Variants in TRPC7 observed in about 807,000 individuals in gnomAD.
TRPC7 encodes transient receptor potential cation channel subfamily C member 7.
Under a neutral mutation model 90.1 loss-of-function variants are expected in TRPC7, and 42 were observed. The ratio of observed to expected loss-of-function variants is 0.47; its 90% CI spans 0.36 to 0.60. The LOEUF is 0.60. TRPC7 is among the 20% of genes least tolerant of loss of function. The pLI, the probability that TRPC7 is intolerant of heterozygous loss-of-function variation, is 0.00. For synonymous variants in TRPC7, 451 were observed against 436.3 expected (o/e 1.03, Z -0.42); for missense variants, 955 against 1,112.3 (o/e 0.86, Z 2.01).
intron 3 of TRPC7, among the ~76,000 whole-genome samples, chr5:136,299,465 G>A (rs914375572): frequency 6.6e-6 from 1 of 151,880 alleles, no homozygotes; most frequent in Non-Finnish European, 1.5e-5. Context: ...AGATATGACT[G>A]TGGCTTGGAT....
chr5:136,338,797 A>C (rs999128651), intron 2 of TRPC7, among the ~76,000 whole-genome samples: 1 of 152,282 alleles, frequency 6.6e-6, no homozygotes, highest in East Asian at 1.9e-4. Flanking sequence ...CAGGGCTACA[A>C]TGGCATTTTC....
intron 1 of TRPC7, among the ~76,000 whole-genome samples, chr5:136,359,733 C>T (rs56290970): frequency 0.021 from 3,187 of 151,958 alleles, 51 homozygotes; most frequent in Non-Finnish European, 0.032. Flanking sequence ...GGCTTTGTTT[C>T]AGGAGATGTA....
intron 3 of TRPC7, among the ~76,000 whole-genome samples, chr5:136,310,702 A>G (rs1758797927): frequency 6.6e-6 from 1 of 152,204 alleles, no homozygotes; most frequent in Admixed American, 6.5e-5. Context: ...ACAGGTGTGA[A>G]CGCTACTTTG....
At chr5:136,328,481 C>T (rs1474296249) in intron 2 of TRPC7, among the ~76,000 whole-genome samples, 2 of 152,178 alleles carry the variant, frequency 1.3e-5, no homozygotes, top group Non-Finnish European at 2.9e-5. Context: ...TAGAATTTTT[C>T]GTCACAGGCC....
intron 2 of TRPC7, among the ~76,000 whole-genome samples, chr5:136,347,616 C>A (rs1224131178): frequency 1.3e-5 from 2 of 152,186 alleles, no homozygotes; most frequent in African/African-American, 2.4e-5. Flanking sequence ...CTTCTGAACC[C>A]ACTTTCCAAT....
At chr5:136,229,265 A>G (rs1755740205) in intron 8 of TRPC7, among the ~76,000 whole-genome samples, 1 of 152,092 alleles carries the variant, frequency 6.6e-6, no homozygotes, top group Non-Finnish European at 1.5e-5. Context: ...GGCCAGGCTC[A>G]CCTCTTCCTC....
chr5:136,343,309 C>A (rs1454568420), intron 2 of TRPC7, among the ~76,000 whole-genome samples: 1 of 152,126 alleles, frequency 6.6e-6, no homozygotes, highest in Non-Finnish European at 1.5e-5. Context: ...AAATGCTACT[C>A]CAAGGCACTT....
intron 3 of TRPC7, among the ~76,000 whole-genome samples, chr5:136,281,743 A>G (rs1757557899): frequency 6.6e-6 from 1 of 152,210 alleles, no homozygotes; most frequent in South Asian, 2.1e-4. Context: ...TGGAATGTCC[A>G]TAATGATGAC....
chr5:136,218,278 C>G (rs1188561821), intron 10 of TRPC7, among the ~76,000 whole-genome samples: 1 of 150,028 alleles, frequency 6.7e-6, no homozygotes. Flanking sequence ...GTTGGAAAAA[C>G]AAAACAAGAC....
Position 136,274,805 on chromosome 5 carries a change from C to A in TRPC7, c.996G>T (p.Leu332Phe). The change falls in exon 4 of 12, where the codon TTG (leucine) becomes TTT (phenylalanine). Residue 332 changes from leucine (L) to phenylalanine (F), a missense_variant. Around this residue, in one of 4 missense-constraint regions of TRPC7, gnomAD observed 484 missense variants for 509.6 expected, o/e 0.95. Transcript: ENST00000513104. Reference sequence around the variant, plus strand: ...AGAGATTTTCATACCACATGGTAAGCAATTGCTGCTGACAGTTAGGATGAG... The same window carrying A: ...AGAGATTTTCATACCACATGGTAAGAAATTGCTGCTGACAGTTAGGATGAG... The part of the protein sequence containing the change: ...FVAHPNCQQQ[L>F]LTMWYENLSG... 6.3e-7 allele frequency: 1 copy of A among 1,582,874 alleles called. No homozygotes were observed. The highest frequency in any genetic ancestry group is 8.6e-7 in the Non-Finnish European group (1 of 1,164,096).
chr5:136,271,773 T>C (rs145448224), intron 4 of TRPC7, among the ~76,000 whole-genome samples: 9 of 152,210 alleles, frequency 5.9e-5, no homozygotes, highest in African/African-American at 9.7e-5. Context: ...CGTAGCCATC[T>C]GTGACTTGGT....
Position 136,365,237 on chromosome 5 carries a change from C to T in TRPC7, c.2+16G>A. 14 of 1,537,016 alleles carry T rather than the reference C, an allele frequency of 9.1e-6. No individual in the cohort carries two copies. The highest frequency in any genetic ancestry group is 1.2e-5 in the Non-Finnish European group (14 of 1,146,812). ...GAAAAAAAAATCAATATGAAAGAAC[C>T]ATCATAGCTGCTTACATTGAGGGTG... On this transcript the variant is annotated intron_variant, in intron 1 of 11. Coordinates refer to ENST00000513104, the MANE Select transcript of TRPC7 (RefSeq NM_020389.3).
intron 11 of TRPC7, among the ~76,000 whole-genome samples, chr5:136,215,005 C>A (rs1301267881): frequency 1.3e-5 from 2 of 152,072 alleles, no homozygotes; most frequent in African/African-American, 4.8e-5. Context: ...ATATCAGAGA[C>A]CCTTGGTGCA....
Position 136,274,763 on chromosome 5 carries a change from C to T in TRPC7, c.1038G>A (p.Gln346=). The T allele has an allele frequency of 6.2e-7, 1 of 1,609,024 alleles. No individual in the cohort carries two copies. Among genetic ancestry groups the T allele is most frequent in the Non-Finnish European group, 8.5e-7 (1 of 1,177,774 alleles). The change falls in exon 4 of 12, where the codon CAG becomes CAA. Residue 346 remains glutamine (Q), a synonymous_variant. Transcript: ENST00000513104. ...WYENLSGLRQ[Q]SIAVKFLAVF... ...CAGCCAGGAATTTCACAGCGATAGA[C>T]TGTTGACGTAAGCCTGAGAGATTTT... is the stretch of plus-strand genomic sequence containing the variant.
At chr5:136,261,619 C>T (rs989916922) in intron 5 of TRPC7, among the ~76,000 whole-genome samples, 4 of 152,214 alleles carry the variant, frequency 2.6e-5, no homozygotes, top group Non-Finnish European at 4.4e-5. Flanking sequence ...GATACTTTGG[C>T]GTCTGGGCCA....
rs140364626 is a variant in TRPC7 at position 136,251,008 on chromosome 5, T to G, written c.1579+641A>C. Among the ~76,000 whole-genome samples the G allele has an allele frequency of 1.3e-3, 201 of 152,338 alleles. 1 individual carries two copies. The highest frequency in any genetic ancestry group is 4.7e-3 in the African/African-American group (196 of 41,576). The stretch of plus-strand genomic sequence containing the variant: ...TAGGGACAAAAGAAGGACCCTTTTT[T>G]GCCGGGCTATTTGCAAGAATTAGAA... On this transcript the variant is annotated intron_variant, in intron 6 of 11. Transcript: ENST00000513104.
intron 7 of TRPC7, among the ~76,000 whole-genome samples, chr5:136,238,081 T>C (rs76929982): frequency 0.018 from 2,769 of 152,226 alleles, 67 homozygotes; most frequent in African/African-American, 0.056. Flanking sequence ...AATGCCTTCC[T>C]CTCTCTCTGT....
chr5:136,330,341 T>G (rs1158570271), intron 2 of TRPC7, among the ~76,000 whole-genome samples: 1 of 152,276 alleles, frequency 6.6e-6, no homozygotes, highest in Non-Finnish European at 1.5e-5. Context: ...CATTGAATTC[T>G]CATGACAAAC....
chr5:136,228,530 G>A (rs1755706303), intron 8 of TRPC7, among the ~76,000 whole-genome samples: 1 of 151,298 alleles, frequency 6.6e-6, no homozygotes, highest in Non-Finnish European at 1.5e-5. Context: ...CAGGCAGGGT[G>A]CCGTGCAGTG....
Sources: allele counts gnomAD v4.1 joint callset (sites outside exome capture counted in the v4.1 genomes callset), GRCh38; gene constraint gnomAD v4.1.1; regional missense constraint gnomAD v4.1.1; transcripts MANE v1.5; gene names NCBI Gene and HGNC (gene_info 2026-07-23, HGNC 2026-07-21).